Variants in SIMC1 observed in about 807,000 individuals in gnomAD.
SIMC1 encodes the protein SUMO interacting motifs containing 1.
Under a neutral mutation model 82.3 loss-of-function variants are expected in SIMC1, and 55 were observed. That is an observed-to-expected ratio of 0.67 (90% CI 0.54 to 0.84). The LOEUF is 0.84. SIMC1 is among the 40% of genes least tolerant of loss of function. The pLI is 0.00. For missense variants in SIMC1, 915 were observed against 1,107.2 expected (o/e 0.83, Z 2.46); for synonymous variants, 353 against 426.3 (o/e 0.83, Z 2.12).
At chr5:176,337,028 C>T in intron 8 of SIMC1, 34 bp from the exon 9 acceptor site, 1 of 1,607,624 alleles carries the variant, frequency 6.2e-7, no homozygotes, top group South Asian at 1.1e-5. Context: ...CTGGGGAAGG[C>T]ATTTATTATC....
At chr5:176,317,058 G>A (rs888048252) in intron 5 of SIMC1, among the ~76,000 whole-genome samples, 24 of 152,130 alleles carry the variant, frequency 1.6e-4, no homozygotes, top group African/African-American at 5.3e-4. Flanking sequence ...CAGGTCCTCT[G>A]TTTTGTGCTT....
At position 176,306,294 on chromosome 5, in the gene SIMC1, G is replaced by T. The variant is rs1462985304; in HGVS notation, c.1735-7397G>T. 5.3e-5 allele frequency among the ~76,000 whole-genome samples: 7 copies of T among 132,588 alleles called. 1 individual carries two copies. In the South Asian group the frequency reaches 1.5e-3, roughly 28 times the overall value. 87.0% of individuals were successfully genotyped at this position (132,588 alleles called of 152,430 possible). A position where few individuals can be genotyped will look rare whatever the true frequency, so the allele number is the denominator to read the frequency against. On this transcript the variant is annotated intron_variant, in intron 4 of 9. Coordinates refer to ENST00000429602, the MANE Select transcript of SIMC1 (RefSeq NM_001308195.2). ...GCCCCGTCCGGGAGGGAGGTGGGGG[G>T]GTCAGCCCCCCGTCCGGCCAGCCGC...
intron 7 of SIMC1, among the ~76,000 whole-genome samples, chr5:176,326,493 G>A (rs191384030): frequency 6.1e-4 from 93 of 151,732 alleles, no homozygotes; most frequent in Non-Finnish European, 1.0e-3. Flanking sequence ...TCAGCCTCCC[G>A]AAGTTCTGGG....
chr5:176,267,727 C>CTT (rs1483723242), intron 1 of SIMC1, among the ~76,000 whole-genome samples: 1 of 38,412 alleles, frequency 2.6e-5, no homozygotes, highest in South Asian at 9.2e-4. Flanking sequence ...ATTTTCTTTT[C>CTT]TTTCTGTTTT....
intron 1 of SIMC1, among the ~76,000 whole-genome samples, chr5:176,288,902 G>A (rs1431038857): frequency 6.6e-6 from 1 of 152,184 alleles, no homozygotes; most frequent in Admixed American, 6.5e-5. Flanking sequence ...ATTAGGCTTT[G>A]TGAATAGCCT....
chr5:176,279,294 G>T (rs542392557), intron 1 of SIMC1, among the ~76,000 whole-genome samples: 2 of 152,278 alleles, frequency 1.3e-5, no homozygotes, highest in South Asian at 2.1e-4. Context: ...AGTATTCTTT[G>T]TGTTTCTGTG....
intron 7 of SIMC1, among the ~76,000 whole-genome samples, chr5:176,329,793 G>C (rs763956531): frequency 5.3e-5 from 8 of 152,104 alleles, no homozygotes; most frequent in Non-Finnish European, 8.8e-5. Context: ...TGAATACTGA[G>C]TGCCAAGTTT....
At chr5:176,294,244 C>A (rs1175147045) in intron 2 of SIMC1, among the ~76,000 whole-genome samples, 1 of 151,800 alleles carries the variant, frequency 6.6e-6, no homozygotes, top group Non-Finnish European at 1.5e-5. Context: ...TTTATATGAG[C>A]TTTTTCCCAT....
At position 176,305,679 on chromosome 5, in the gene SIMC1, G is replaced by A. The variant is rs1293319107; in HGVS notation, c.1735-8012G>A. On this transcript the variant is annotated intron_variant, in intron 4 of 9. Coordinates refer to ENST00000429602, the MANE Select transcript of SIMC1 (RefSeq NM_001308195.2). The stretch of plus-strand genomic sequence containing the variant: ...TGGGAAGTGAGGAGCCCCTCTGCCC[G>A]GCCAGCCGCCCCGTCCGGGAGGGAG... Among the ~76,000 whole-genome samples the A allele has an allele frequency of 9.6e-5, 11 of 115,070 alleles. No homozygotes were observed. The South Asian group carries it at 1.4e-3, about 14-fold the overall frequency. The allele number at this position is 115,070 out of a possible 152,430, so 75.5% of individuals were successfully genotyped here.
chr5:176,275,292 A>G (rs1762636941), intron 1 of SIMC1, among the ~76,000 whole-genome samples: 1 of 151,852 alleles, frequency 6.6e-6, no homozygotes, highest in South Asian at 2.1e-4. Flanking sequence ...TTGGTGTATA[A>G]GAATGCTTGT....
chr5:176,321,374 C>T (rs1460675106), intron 5 of SIMC1, among the ~76,000 whole-genome samples: 6 of 151,004 alleles, frequency 4.0e-5, no homozygotes, highest in East Asian at 1.9e-4. Context: ...ACCTGGGAGG[C>T]GGAGCTTGCA....
At chr5:176,243,366 C>T (rs1034258693) in intron 1 of SIMC1, among the ~76,000 whole-genome samples, 2 of 152,084 alleles carry the variant, frequency 1.3e-5, no homozygotes, top group African/African-American at 4.8e-5. Context: ...AGTGAGGCTG[C>T]AATGTAACGA....
At chr5:176,274,849 T>C (rs1046731852) in intron 1 of SIMC1, among the ~76,000 whole-genome samples, 1 of 151,902 alleles carries the variant, frequency 6.6e-6, no homozygotes, top group African/African-American at 2.4e-5. Context: ...TCTGTTTTGG[T>C]ACCAGTACCA....
rs1416586921 is a variant in SIMC1 at position 176,287,122 on chromosome 5, T to A, written c.130-2532T>A. Reference sequence around the variant, plus strand: ...AATACCATTTGACCCAGCCATCCCATTACTGGGTATATACCCAAAGGATTA... The same window carrying A: ...AATACCATTTGACCCAGCCATCCCAATACTGGGTATATACCCAAAGGATTA... On this transcript the variant is annotated intron_variant, in intron 1 of 9. Transcript: ENST00000429602. 2.0e-5 allele frequency among the ~76,000 whole-genome samples: 3 copies of A among 152,188 alleles called. No individual in the cohort carries two copies. In the South Asian group the frequency reaches 6.2e-4, roughly 32 times the overall value.
chr5:176,284,340 A>T (rs1205882482), intron 1 of SIMC1, among the ~76,000 whole-genome samples: 1 of 152,246 alleles, frequency 6.6e-6, no homozygotes, highest in Non-Finnish European at 1.5e-5. Flanking sequence ...ACCACAGTGC[A>T]ATCAAACTAG....
chr5:176,283,804 G>A (rs1224043982), intron 1 of SIMC1, among the ~76,000 whole-genome samples: 1 of 152,102 alleles, frequency 6.6e-6, no homozygotes, highest in Non-Finnish European at 1.5e-5. Context: ...GGCACACATA[G>A]GCTCAAAATA....
chr5:176,313,630 A>T lies in SIMC1; in HGVS notation c.1735-61A>T, dbSNP rs1764767540. The T allele has an allele frequency of 8.1e-6, 13 of 1,600,376 alleles. No homozygotes were observed. The South Asian group carries it at 1.5e-4, about 18-fold the overall frequency. On this transcript the variant is annotated intron_variant, in intron 4 of 9. Coordinates refer to ENST00000429602, the MANE Select transcript of SIMC1 (RefSeq NM_001308195.2). ...TGGGCTTAGTATTTATGAGAGCCCA[A>T]TGTTGACTGTCATCCAAGAGACTGA...
At chr5:176,308,439 C>G in intron 4 of SIMC1, 1 of 1,607,934 alleles carries the variant, frequency 6.2e-7, no homozygotes, top group Non-Finnish European at 8.5e-7. Context: ...TTCCCATCCT[C>G]ATATAACTGT....
At chr5:176,327,179 A>G (rs1166285207) in intron 7 of SIMC1, among the ~76,000 whole-genome samples, 5 of 152,248 alleles carry the variant, frequency 3.3e-5, no homozygotes, top group Non-Finnish European at 5.9e-5. Flanking sequence ...ATTAGGAATT[A>G]AAACAGACAA....
Sources: gnomAD v4.1 joint callset for allele counts (sites outside exome capture counted in the v4.1 genomes callset) on GRCh38, gnomAD v4.1.1 for gene constraint, MANE v1.5 for transcripts, NCBI Gene and HGNC (gene_info 2026-07-23, HGNC 2026-07-21) for gene names.